The following RAPGEF3 variants were observed in gnomAD, a reference collection of about 807,000 sequenced individuals.
The protein encoded by RAPGEF3 is Rap guanine nucleotide exchange factor 3, also known as 9330170P05Rik.
In RAPGEF3, 103 loss-of-function variants were observed where a neutral mutation model predicts 129.8. That is an observed-to-expected ratio of 0.79 (90% CI 0.68 to 0.93). The LOEUF (loss-of-function observed/expected upper bound fraction) is 0.93, where lower values mean the gene tolerates loss of function less well. Ranked by LOEUF, RAPGEF3 falls within the 40% of genes least tolerant of loss-of-function variation. RAPGEF3 has a pLI of 0.00. For missense variants in RAPGEF3, 1,117 were observed against 1,207.4 expected, an observed-to-expected ratio of 0.93 and a Z score of 1.11; for synonymous variants, 436 against 482.6, an observed-to-expected ratio of 0.90 and a Z score of 1.26.
chr12:47,749,934 G>T lies in RAPGEF3; in HGVS notation c.813C>A (p.Thr271=), dbSNP rs1002833104. The T allele has an allele frequency of 4.3e-6, 7 of 1,614,200 alleles. No individual in the cohort carries two copies. In the South Asian group the frequency reaches 4.4e-5, roughly 10 times the overall value. Residue 271 remains threonine (T), a synonymous_variant, in exon 8 of 28, where the codon ACC becomes ACA. Transcript: ENST00000449771. This position sits in a 1 kb window ranked among gnomAD's most constrained non-coding sequence, Gnocchi z 4.5. ...LLFEPHSKAG[T]VLFSQGDKGT... is the part of the protein sequence containing the mutation. ...CTTATGCCCTGCTGGACTTACACACGGTCCCTGCCTTGCTGTGTGGTTCAA... is the reference window on the plus strand; with the variant it reads ...CTTATGCCCTGCTGGACTTACACACTGTCCCTGCCTTGCTGTGTGGTTCAA...
At chr12:47,750,260 G>T in intron 7 of RAPGEF3, 81 bp downstream of exon 7, 4 of 1,415,140 alleles carry the variant, frequency 2.8e-6, no homozygotes, top group African/African-American at 1.4e-5. Context: ...ATGCCCTCTG[G>T]CCCAGCAGTT....
chr12:47,753,476 G>A (rs1195456439), intron 2 of RAPGEF3, among the ~76,000 whole-genome samples: 2 of 152,354 alleles, frequency 1.3e-5, no homozygotes, highest in African/African-American at 4.8e-5. Context: ...TTGGCACTGC[G>A]TGCCCAAGCA....
Position 47,751,442 on chromosome 12 carries a change from C to T in RAPGEF3, c.459G>A (p.Val153=). 2.5e-6 allele frequency: 4 copies of T among 1,614,170 alleles called. No individual in the cohort carries two copies. The highest frequency in any genetic ancestry group is 2.2e-5 in the South Asian group (2 of 91,086). The part of the protein sequence containing the change: ...GLGVHSRSQV[V]GICQVLLDEG... ...CATCCAGCAGCACCTGGCAGATTCCCACAACTTGGCTCCGGGAATGGACCC... is the reference window on the plus strand; with the variant it reads ...CATCCAGCAGCACCTGGCAGATTCCTACAACTTGGCTCCGGGAATGGACCC... The change falls in exon 5 of 28, where the codon GTG becomes GTA. Residue 153 remains valine, a synonymous_variant. Transcript: ENST00000449771.
chr12:47,750,744 G>A (rs1941693318), intron 6 of RAPGEF3, among the ~76,000 whole-genome samples: 1 of 152,206 alleles, frequency 6.6e-6, no homozygotes, highest in African/African-American at 2.4e-5. Context: ...CCGGACTGCA[G>A]TTTCCAAAAC....
In RAPGEF3 at chr12:47,749,243, G is replaced by A. The variant is rs1310433790; in HGVS notation, c.1041+147C>T. The A allele has an allele frequency of 7.1e-6, 7 of 990,916 alleles. No homozygotes were observed. Among genetic ancestry groups the A allele is most frequent in the Admixed American group, 1.9e-5 (1 of 53,366 alleles). The allele number at this position is 990,916 out of a possible 1,614,324, so 61.4% of individuals were successfully genotyped here. On this transcript the variant is annotated intron_variant, in intron 10 of 27. Transcript: ENST00000449771. The surrounding 1 kb of genome is among the most constrained non-coding windows in gnomAD (Gnocchi z 4.5). The stretch of plus-strand genomic sequence containing the variant: ...GCTTCACCTTCTCACACACACCCAG[G>A]GCTATGGTCCCACTGCCAGCTGTCA...
rs368438534 is a variant in RAPGEF3, at chr12:47,738,261, C to T, written c.2527-14G>A. ...GGCCATCATTCTCTGCGGACAACAC[C>T]GGGGCATAAGCTCTTGCCTGAGGGA... On this transcript the variant is annotated splice_polypyrimidine_tract_variant and intron_variant, in intron 25 of 27. Coordinates refer to ENST00000449771, the MANE Select transcript of RAPGEF3 (RefSeq NM_001098531.4). 176 of 1,612,696 alleles carry T rather than the reference C, an allele frequency of 1.1e-4. No homozygotes were observed. The highest frequency in any genetic ancestry group is 1.3e-4 in the Non-Finnish European group (156 of 1,179,884).
At chr12:47,740,563 T>G in intron 21 of RAPGEF3, 79 bp downstream of exon 21, 1 of 1,558,230 alleles carries the variant, frequency 6.4e-7, no homozygotes, top group Non-Finnish European at 8.8e-7. Flanking sequence ...TTTGGCAACA[T>G]ACTAAGCAAA....
At chr12:47,757,473 G>A (rs1014673515) in intron 2 of RAPGEF3, among the ~76,000 whole-genome samples, 1 of 152,046 alleles carries the variant, frequency 6.6e-6, no homozygotes, top group African/African-American at 2.4e-5. Context: ...ATGTTGCCAC[G>A]GTGATGCACC....
Position 47,758,735 on chromosome 12 carries a change from T to G in RAPGEF3, c.-179A>C. The G allele has an allele frequency of 4.0e-6, 5 of 1,249,322 alleles. No homozygotes were observed. Among genetic ancestry groups the G allele is most frequent in the Non-Finnish European group, 5.1e-6 (5 of 988,706 alleles). 77.4% of individuals were successfully genotyped at this position (1,249,322 alleles called of 1,614,324 possible). A position where few individuals can be genotyped will look rare whatever the true frequency, so the allele number is the denominator to read the frequency against. On this transcript the variant is annotated 5_prime_UTR_variant, in exon 1 of 28. Coordinates refer to ENST00000449771, the MANE Select transcript of RAPGEF3 (RefSeq NM_001098531.4). ...CAGGGCAGCAGGATGCAGGGCTCGG[T>G]GGAGAGGCTCCTCTTGGGTGAGTAG...
intron 6 of RAPGEF3, 76 bp from the exon 7 acceptor site, chr12:47,750,501 AGCCGAT>A: frequency 7.5e-7 from 1 of 1,337,112 alleles, no homozygotes; most frequent in Non-Finnish European, 1.0e-6. Context: ...CCACCCACCC[AGCCGAT>A]GCCTGTGCCA....
chr12:47,753,470 C>T (rs1242506444), intron 2 of RAPGEF3, among the ~76,000 whole-genome samples: 1 of 152,250 alleles, frequency 6.6e-6, no homozygotes, highest in South Asian at 2.1e-4. Context: ...GGCATCTTGG[C>T]ACTGCGTGCC....
Position 47,736,660 on chromosome 12 carries a change from T to G in RAPGEF3, c.*907A>C, listed in dbSNP as rs143154061. 3.3e-5 allele frequency: 5 copies of G among 152,412 alleles called. No homozygotes were observed. In the East Asian group the frequency reaches 9.6e-4, roughly 29 times the overall value. 9.4% of individuals were successfully genotyped at this position (152,412 alleles called of 1,614,324 possible). A position where few individuals can be genotyped will look rare whatever the true frequency, so the allele number is the denominator to read the frequency against. On this transcript the variant is annotated 3_prime_UTR_variant, in exon 28 of 28. Coordinates refer to ENST00000449771, the MANE Select transcript of RAPGEF3 (RefSeq NM_001098531.4). ...CGCGGAAGCTTCAGCATTGTTTCTA[T>G]CACAAGCCACCCCCAGAAGACCCCA...
chr12:47,750,918 C>T (rs1015028462), intron 6 of RAPGEF3, 130 bp downstream of exon 6: 1 of 1,346,062 alleles, frequency 7.4e-7, no homozygotes, highest in Non-Finnish European at 1.0e-6. Flanking sequence ...GCGCCAGGGG[C>T]TTCTGGGCCA....
chr12:47,748,373 A>G, intron 12 of RAPGEF3, 81 bp downstream of exon 12: 1 of 1,328,778 alleles, frequency 7.5e-7, no homozygotes, highest in Non-Finnish European at 1.1e-6. Flanking sequence ...GTGACGTCAG[A>G]TGCAGGGTAC....
rs554374455 is a variant in RAPGEF3 at position 47,758,608 on chromosome 12, G to T, written c.-52C>A. ...GCAGGCTCTAGCAAAAGGCTGGGGG[G>T]TCCCCAGCGACCCCCATCAGCTTTG... On this transcript the variant is annotated 5_prime_UTR_variant, in exon 1 of 28. Transcript: ENST00000449771. 4.3e-6 allele frequency: 7 copies of T among 1,611,010 alleles called. No homozygotes were observed. The highest frequency in any genetic ancestry group is 1.7e-5 in the Admixed American group (1 of 59,468).
Position 47,738,242 on chromosome 12 carries a change from C to T in RAPGEF3, c.2532G>A (p.Met844Ile), listed in dbSNP as rs756457834. The change falls in exon 26 of 28, where the codon ATG becomes ATA. Residue 844 changes from methionine to isoleucine, a missense_variant. Transcript: ENST00000449771. ...ENLINFEKMR[M>I]MARAARMLHH... ...GCAGCATCCGCGCGGCTCTGGCCAT[C>T]ATTCTCTGCGGACAACACCGGGGCA... is the stretch of plus-strand genomic sequence containing the variant. 3.1e-6 allele frequency: 5 copies of T among 1,613,326 alleles called. No individual in the cohort carries two copies. In the South Asian group the frequency reaches 5.5e-5, roughly 18 times the overall value.
chr12:47,748,437 G>T lies in RAPGEF3; in HGVS notation c.1243+17C>A. ...CCCAATGAGTCAGAAAGCAGGCAGG[G>T]TGTCTCTTGCCCTTACCTGTTGGGT... is the stretch of plus-strand genomic sequence containing the variant. On this transcript the variant is annotated intron_variant, in intron 12 of 27. Coordinates refer to ENST00000449771, the MANE Select transcript of RAPGEF3 (RefSeq NM_001098531.4). 1.2e-6 allele frequency: 2 copies of T among 1,605,392 alleles called. No homozygotes were observed. Among genetic ancestry groups the T allele is most frequent in the Non-Finnish European group, 1.7e-6 (2 of 1,173,428 alleles).
intron 23 of RAPGEF3, 114 bp from the exon 24 acceptor site, chr12:47,739,344 C>T: frequency 1.2e-6 from 1 of 822,248 alleles, no homozygotes; most frequent in Non-Finnish European, 2.1e-6. Context: ...GGCCCCAACT[C>T]AGCCTCTCCT....
Position 47,740,411 on chromosome 12 carries a change from C to T in RAPGEF3, c.2232-16G>A. On this transcript the variant is annotated splice_polypyrimidine_tract_variant and intron_variant, in intron 21 of 27. Coordinates refer to ENST00000449771, the MANE Select transcript of RAPGEF3 (RefSeq NM_001098531.4). ...CTCCTTGAGGCTGTGAGCAGAAGACCCAGAGACCCTCAGGGTAAGGGAAGC... is the reference window on the plus strand; with the variant it reads ...CTCCTTGAGGCTGTGAGCAGAAGACTCAGAGACCCTCAGGGTAAGGGAAGC... 6.2e-7 allele frequency: 1 copy of T among 1,612,272 alleles called. No homozygotes were observed. Among genetic ancestry groups the T allele is most frequent in the Non-Finnish European group, 8.5e-7 (1 of 1,178,866 alleles).
Sources: allele counts gnomAD v4.1 joint callset (sites outside exome capture counted in the v4.1 genomes callset), GRCh38; gene constraint gnomAD v4.1.1; non-coding constraint Gnocchi (gnomAD v3.1); transcripts MANE v1.5; gene names NCBI Gene and HGNC (gene_info 2026-07-23, HGNC 2026-07-21).